The following CDC14B variants were observed in gnomAD, a reference collection of about 807,000 sequenced individuals.
The protein encoded by CDC14B is dual specificity protein phosphatase CDC14B.
Under a neutral mutation model 64.2 loss-of-function variants are expected in CDC14B, and 22 were observed. The observed-to-expected ratio is 0.34, with a 90% CI of 0.24 to 0.49. The LOEUF (loss-of-function observed/expected upper bound fraction) is 0.49. Ranked by LOEUF, CDC14B falls within the 20% of genes least tolerant of loss-of-function variation. The pLI, the probability that CDC14B is intolerant of heterozygous loss-of-function variation, is 0.99. For missense variants in CDC14B, 498 were observed against 629.9 expected, an observed-to-expected ratio of 0.79 and a Z score of 2.24; for synonymous variants, 191 against 215.8, an observed-to-expected ratio of 0.89 and a Z score of 1.01.
rs1362521679 is a variant in CDC14B at position 96,515,151 on chromosome 9, GC to G, written c.1344-5363del. Among the ~76,000 whole-genome samples, 1 of 152,230 alleles carries G rather than the reference GC, an allele frequency of 6.6e-6. No homozygotes were observed. The highest frequency in any genetic ancestry group is 1.5e-5 in the Non-Finnish European group (1 of 68,042). On this transcript the variant is annotated intron_variant, in intron 12 of 13. Coordinates refer to ENST00000375241, the MANE Select transcript of CDC14B (RefSeq NM_033331.4). This position sits in a 1 kb window ranked among gnomAD's most constrained non-coding sequence, Gnocchi z 4.3. ...AAGAGAGAAGACTTATGAGAGAGCT[GC>G]TGTACAATGGCAGATTTCGAGGCTA... is the stretch of plus-strand genomic sequence containing the variant.
At position 96,560,779 on chromosome 9, in the gene CDC14B, G is replaced by T. The variant is rs565997618; in HGVS notation, c.420+1914C>A. Among the ~76,000 whole-genome samples the T allele has an allele frequency of 1.8e-4, 26 of 140,720 alleles. 1 individual carries two copies. Among genetic ancestry groups the T allele is most frequent in the African/African-American group, 6.9e-4 (23 of 33,422 alleles). 92.3% of individuals were successfully genotyped at this position (140,720 alleles called of 152,430 possible). A position where few individuals can be genotyped will look rare whatever the true frequency, so the allele number is the denominator to read the frequency against. On this transcript the variant is annotated intron_variant, in intron 4 of 13. Coordinates refer to ENST00000375241, the MANE Select transcript of CDC14B (RefSeq NM_033331.4). ...TCAAACTTTTTTTTTTTTTTTTAAG[G>T]CTTTTGCTGCAAGTACGAGAAACAC...
chr9:96,612,655 T>C (rs893899081), intron 1 of CDC14B, among the ~76,000 whole-genome samples: 16 of 152,180 alleles, frequency 1.1e-4, no homozygotes, highest in Non-Finnish European at 2.4e-4. Context: ...TCCCTAAAGA[T>C]TTCAACCGCA....
chr9:96,604,193 G>A (rs899129278), intron 1 of CDC14B, among the ~76,000 whole-genome samples: 5 of 151,948 alleles, frequency 3.3e-5, no homozygotes, highest in African/African-American at 1.2e-4. Flanking sequence ...CATAATTCTA[G>A]TTACACAACT....
At chr9:96,572,341 G>A (rs1416385519) in intron 1 of CDC14B, among the ~76,000 whole-genome samples, 1 of 152,204 alleles carries the variant, frequency 6.6e-6, no homozygotes, top group Non-Finnish European at 1.5e-5. Context: ...GCCCGGACTT[G>A]TGACTTGTGG....
At chr9:96,556,530 T>TA (rs935305535) in intron 4 of CDC14B, among the ~76,000 whole-genome samples, 3 of 151,822 alleles carry the variant, frequency 2.0e-5, no homozygotes, top group Non-Finnish European at 4.4e-5. Flanking sequence ...AAAAACTCGT[T>TA]AAAAAAAACC....
At chr9:96,498,622 G>C (rs1403632249), downstream of CDC14B, among the ~76,000 whole-genome samples, 1 of 152,208 alleles carries the variant, frequency 6.6e-6, no homozygotes, top group African/African-American at 2.4e-5. Context: ...AAAAATATCA[G>C]AAACTGAGGG....
At chr9:96,594,280 C>A (rs1254940776) in intron 1 of CDC14B, among the ~76,000 whole-genome samples, 1 of 152,134 alleles carries the variant, frequency 6.6e-6, no homozygotes, top group Non-Finnish European at 1.5e-5. Flanking sequence ...CAGGGAAAAT[C>A]AAGGCAGCAA....
chr9:96,591,731 A>C (rs1450074632), intron 1 of CDC14B, among the ~76,000 whole-genome samples: 2 of 151,576 alleles, frequency 1.3e-5, no homozygotes, highest in African/African-American at 4.9e-5. Flanking sequence ...ATGTCTTTCC[A>C]TTTATTTGTG....
downstream of CDC14B, chr9:96,496,393 TACCACCACC>T (rs60964390): frequency 8.3e-6 from 4 of 481,800 alleles, no homozygotes; most frequent in Non-Finnish European, 8.3e-6. Context: ...GCGCTGTACT[TACCACCACC>T]ACCACCACCA....
chr9:96,581,906 T>C (rs1484406781), intron 1 of CDC14B, among the ~76,000 whole-genome samples: 1 of 152,204 alleles, frequency 6.6e-6, no homozygotes, highest in African/African-American at 2.4e-5. Context: ...AATGGAAAGA[T>C]GCGATAACAA....
intron 5 of CDC14B, among the ~76,000 whole-genome samples, chr9:96,543,427 C>T (rs947036595): frequency 1.3e-5 from 2 of 152,002 alleles, no homozygotes; most frequent in Non-Finnish European, 2.9e-5. Flanking sequence ...AACAGCTGTG[C>T]CCTACCTTCT....
chr9:96,508,830 G>A (rs563606928), intron 13 of CDC14B, among the ~76,000 whole-genome samples: 2 of 152,274 alleles, frequency 1.3e-5, no homozygotes, highest in African/African-American at 2.4e-5. Context: ...CCAAAGCCTC[G>A]GATATACATG....
At chr9:96,536,428 T>C (rs1465486520) in intron 7 of CDC14B, among the ~76,000 whole-genome samples, 1 of 152,248 alleles carries the variant, frequency 6.6e-6, no homozygotes, top group Non-Finnish European at 1.5e-5. Flanking sequence ...ATGTTTAATG[T>C]TTTAAGGACA....
At position 96,579,649 on chromosome 9, in the gene CDC14B, C is replaced by T. The variant is rs556621634; in HGVS notation, c.161-14166G>A. ...CACTGAATGCACACAGGAAAGGTCA[C>T]GTGGAGGTACAGGGAGAAGGCGGCA... On this transcript the variant is annotated intron_variant, in intron 1 of 13. Transcript: ENST00000375241. 8.6e-5 allele frequency among the ~76,000 whole-genome samples: 13 copies of T among 151,986 alleles called. 1 individual carries two copies. In the South Asian group the frequency reaches 2.5e-3, roughly 29 times the overall value.
Position 96,515,572 on chromosome 9 carries a change from G to C in CDC14B, c.1344-5783C>G. On this transcript the variant is annotated intron_variant, in intron 12 of 13. Coordinates refer to ENST00000375241, the MANE Select transcript of CDC14B (RefSeq NM_033331.4). The surrounding 1 kb of genome is among the most constrained non-coding windows in gnomAD (Gnocchi z 4.3). ...ACCAACAAAGCTAGGAGCTGACAAGGAGAAAAACATGCATTGTGGGAACCA... is the reference window on the plus strand; with the variant it reads ...ACCAACAAAGCTAGGAGCTGACAAGCAGAAAAACATGCATTGTGGGAACCA... 7.4e-7 allele frequency: 1 copy of C among 1,351,632 alleles called. No homozygotes were observed. The highest frequency in any genetic ancestry group is 9.8e-7 in the Non-Finnish European group (1 of 1,023,750). 83.7% of individuals were successfully genotyped at this position (1,351,632 alleles called of 1,614,324 possible).
At chr9:96,565,578 A>AT (rs1843796087) in intron 1 of CDC14B, 95 bp from the exon 2 acceptor site, 8 of 837,312 alleles carry the variant, frequency 9.6e-6, no homozygotes, top group South Asian at 5.5e-5. Context: ...TCAATTTTTC[A>AT]TTTTTTTCAT....
At chr9:96,505,137 C>G (rs1455734803) in intron 13 of CDC14B, among the ~76,000 whole-genome samples, 1 of 151,146 alleles carries the variant, frequency 6.6e-6, no homozygotes, top group Non-Finnish European at 1.5e-5. Context: ...GCCAAGATCG[C>G]ACCACAGCAC....
Position 96,549,805 on chromosome 9 carries a change from C to T in CDC14B, c.497+1991G>A, listed in dbSNP as rs1841541201. ...AATTACTGACTGATGCTCCTGGGAC[C>T]AAAAGGAACTAACTTCATTTCTCAG... On this transcript the variant is annotated intron_variant, in intron 5 of 13. Coordinates refer to ENST00000375241, the MANE Select transcript of CDC14B (RefSeq NM_033331.4). 2.6e-5 allele frequency among the ~76,000 whole-genome samples: 4 copies of T among 152,298 alleles called. No homozygotes were observed. In the South Asian group the frequency reaches 8.3e-4, roughly 32 times the overall value.
In CDC14B at chr9:96,618,599, C is replaced by A. The variant is rs1039611418; in HGVS notation, c.160+620G>T. ...GACACCTTCCTTCTCGAGGCCCCGG[C>A]GGGGAGCGGACCCCGGGAGGCGGAG... On this transcript the variant is annotated intron_variant, in intron 1 of 13. Transcript: ENST00000375241. 1.9e-5 allele frequency: 10 copies of A among 532,562 alleles called. No homozygotes were observed. In the African/African-American group the frequency reaches 1.9e-4, roughly 10 times the overall value. 33.0% of individuals were successfully genotyped at this position (532,562 alleles called of 1,614,324 possible). A position where few individuals can be genotyped will look rare whatever the true frequency, so the allele number is the denominator to read the frequency against.
Sources: gnomAD v4.1 joint callset for allele counts (sites outside exome capture counted in the v4.1 genomes callset) on GRCh38, gnomAD v4.1.1 for gene constraint, Gnocchi (gnomAD v3.1) non-coding constraint, MANE v1.5 for transcripts, NCBI Gene and HGNC (gene_info 2026-07-23, HGNC 2026-07-21) for gene names.